STK24: variants seen among roughly 807,000 people sequenced by gnomAD.
STK24 encodes the protein serine/threonine-protein kinase 24.
In STK24, 21 loss-of-function variants were observed where a neutral mutation model predicts 55.6. The observed-to-expected ratio is 0.38, with a 90% CI of 0.27 to 0.54. STK24 has a LOEUF of 0.54. Among genes scored for constraint, STK24 ranks in the 20% least tolerant of loss-of-function variants. The pLI, the probability that STK24 is intolerant of heterozygous loss-of-function variation, is 0.79. For synonymous variants in STK24, 200 were observed against 215.2 expected (o/e 0.93, Z 0.62); for missense variants, 383 against 538.4 (o/e 0.71, Z 2.86).
intron 1 of STK24, among the ~76,000 whole-genome samples, chr13:98,524,861 C>T (rs1896377967): frequency 6.6e-6 from 1 of 152,184 alleles, no homozygotes; most frequent in African/African-American, 2.4e-5. Context: ...AAAGACGTTT[C>T]CAGGCGTACG....
Position 98,452,914 on chromosome 13 carries a change from T to TA in STK24, c.*258dup, listed in dbSNP as rs1397611861. 2.5e-6 allele frequency: 1 copy of TA among 403,404 alleles called. No homozygotes were observed. The highest frequency in any genetic ancestry group is 4.4e-6 in the Non-Finnish European group (1 of 227,658). The allele number at this position is 403,404 out of a possible 1,614,324, so 25.0% of individuals were successfully genotyped here. ...TTTCCTGGAATATGTGCACTATGGT[T>TA]AAAATTAAAAACAAAAGTAATAAAA... On this transcript the variant is annotated 3_prime_UTR_variant, in exon 11 of 11. Coordinates refer to ENST00000539966, the MANE Select transcript of STK24 (RefSeq NM_001032296.4).
At chr13:98,484,340 C>T (rs1894724951) in intron 2 of STK24, among the ~76,000 whole-genome samples, 1 of 152,240 alleles carries the variant, frequency 6.6e-6, no homozygotes, top group Non-Finnish European at 1.5e-5. Flanking sequence ...TCTACTCCCA[C>T]TCCCTTTTTA....
intron 9 of STK24, among the ~76,000 whole-genome samples, chr13:98,458,902 A>G (rs1256189725): frequency 6.6e-6 from 1 of 152,228 alleles, no homozygotes; most frequent in East Asian, 1.9e-4. Flanking sequence ...AATAATACAC[A>G]ATAAACACTC....
chr13:98,547,976 T>C (rs1455537449), intron 1 of STK24, among the ~76,000 whole-genome samples: 2 of 152,050 alleles, frequency 1.3e-5, no homozygotes, highest in Non-Finnish European at 2.9e-5. Flanking sequence ...CACCAAGCCC[T>C]CCCCTCTCTC....
At chr13:98,480,918 T>C (rs1056547696) in intron 3 of STK24, among the ~76,000 whole-genome samples, 2 of 152,224 alleles carry the variant, frequency 1.3e-5, no homozygotes, top group African/African-American at 4.8e-5. Flanking sequence ...AGGGGTTTCC[T>C]TTCCTTAATG....
intron 8 of STK24, 83 bp from the exon 9 acceptor site, chr13:98,460,523 A>AGTCCAGG: frequency 8.6e-7 from 1 of 1,168,566 alleles, no homozygotes; most frequent in Non-Finnish European, 1.3e-6. Flanking sequence ...CACCTGGACT[A>AGTCCAGG]TGGAAGCGCA....
At position 98,446,541 on chromosome 13, in the gene STK24, C is replaced by T; in HGVS notation, c.*6632G>A. On this transcript the variant is annotated 3_prime_UTR_variant, in exon 11 of 11. Coordinates refer to ENST00000539966, the MANE Select transcript of STK24 (RefSeq NM_001032296.4). Reference sequence around the variant, plus strand: ...CAAACACTGGCTGCCATGGTCCCTTCCAGGCCCACGCCCGAGGAGGGAGCT... The same window carrying T: ...CAAACACTGGCTGCCATGGTCCCTTTCAGGCCCACGCCCGAGGAGGGAGCT... 1.0e-6 allele frequency: 1 copy of T among 988,538 alleles called. No individual in the cohort carries two copies. The highest frequency in any genetic ancestry group is 1.5e-6 in the Non-Finnish European group (1 of 647,818). 61.2% of individuals were successfully genotyped at this position (988,538 alleles called of 1,614,324 possible). A position where few individuals can be genotyped will look rare whatever the true frequency, so the allele number is the denominator to read the frequency against.
At chr13:98,487,669 T>C (rs2139315129) in intron 2 of STK24, among the ~76,000 whole-genome samples, 1 of 152,364 alleles carries the variant, frequency 6.6e-6, no homozygotes, top group East Asian at 1.9e-4. Flanking sequence ...TAAAGTTTCT[T>C]AAAGAGCAGT....
intron 2 of STK24, among the ~76,000 whole-genome samples, chr13:98,499,809 C>A (rs1895380725): frequency 6.6e-6 from 1 of 152,226 alleles, no homozygotes; most frequent in Non-Finnish European, 1.5e-5. Flanking sequence ...GCATTCCACA[C>A]TCCCAACGGT....
chr13:98,467,962 T>G (rs1304138416), intron 5 of STK24, among the ~76,000 whole-genome samples: 1 of 152,242 alleles, frequency 6.6e-6, no homozygotes, highest in Non-Finnish European at 1.5e-5. Context: ...ACAGCTTTCC[T>G]GCTGTTCTCA....
intron 1 of STK24, among the ~76,000 whole-genome samples, chr13:98,529,335 G>A (rs57226083): frequency 0.22 from 33,917 of 152,022 alleles, 4,679 homozygotes; most frequent in East Asian, 0.42. Context: ...GTCACTGCCT[G>A]GCCCTCCCTC....
intron 1 of STK24, among the ~76,000 whole-genome samples, chr13:98,558,389 AG>A (rs1443939422): frequency 6.6e-6 from 1 of 152,184 alleles, no homozygotes; most frequent in Non-Finnish European, 1.5e-5. Flanking sequence ...AACCCACTAG[AG>A]GGGGTGCAGC....
intron 2 of STK24, among the ~76,000 whole-genome samples, chr13:98,518,251 G>A (rs1223056316): frequency 6.6e-6 from 1 of 152,144 alleles, no homozygotes; most frequent in Non-Finnish European, 1.5e-5. Context: ...TCCATCCTCT[G>A]ACTTACACCT....
At chr13:98,542,398 CA>C (rs1481727708) in intron 1 of STK24, among the ~76,000 whole-genome samples, 7 of 150,734 alleles carry the variant, frequency 4.6e-5, no homozygotes, top group Non-Finnish European at 7.4e-5. Flanking sequence ...ACAACAACAA[CA>C]AAAAAAACGG....
In STK24 at chr13:98,452,921, A is replaced by G. The variant is rs1297603474; in HGVS notation, c.*252T>C. 1 of 415,666 alleles carries G rather than the reference A, an allele frequency of 2.4e-6. No homozygotes were observed. The highest frequency in any genetic ancestry group is 4.1e-5 in the Admixed American group (1 of 24,596). The allele number at this position is 415,666 out of a possible 1,614,324, so 25.7% of individuals were successfully genotyped here. On this transcript the variant is annotated 3_prime_UTR_variant, in exon 11 of 11. Transcript: ENST00000539966. ...GAATATGTGCACTATGGTTAAAATT[A>G]AAAACAAAAGTAATAAAATAAAATA...
chr13:98,481,064 C>T (rs1450048340), intron 3 of STK24, among the ~76,000 whole-genome samples: 1 of 152,224 alleles, frequency 6.6e-6, no homozygotes, highest in Non-Finnish European at 1.5e-5. Context: ...TCTGGCCTAT[C>T]TTGAAAATCA....
At position 98,474,607 on chromosome 13, in the gene STK24, C is replaced by T. The variant is rs191940722; in HGVS notation, c.597+214G>A. The stretch of plus-strand genomic sequence containing the variant: ...CAAACATAGCCTGAGTTAAAAACCT[C>T]GATCATGGTGGGCTGGATCAGCACA... On this transcript the variant is annotated intron_variant, in intron 5 of 10. Transcript: ENST00000539966. 2.8e-3 allele frequency among the ~76,000 whole-genome samples: 422 copies of T among 152,244 alleles called. 2 individuals carry two copies. Among genetic ancestry groups the T allele is most frequent in the Non-Finnish European group, 4.0e-3 (274 of 68,012 alleles).
intron 2 of STK24, among the ~76,000 whole-genome samples, chr13:98,498,956 A>C (rs764886396): frequency 5.3e-5 from 8 of 151,716 alleles, no homozygotes; most frequent in Admixed American, 1.3e-4. Context: ...GGTTCCTTTG[A>C]AAACAGCTTC....
intron 1 of STK24, among the ~76,000 whole-genome samples, chr13:98,524,265 A>G (rs758324506): frequency 2.0e-5 from 3 of 150,616 alleles, no homozygotes; most frequent in African/African-American, 7.4e-5. Flanking sequence ...TGCTGCTCCC[A>G]TAAGAGCAGC....
Sources: allele counts gnomAD v4.1 joint callset (sites outside exome capture counted in the v4.1 genomes callset), GRCh38; gene constraint gnomAD v4.1.1; transcripts MANE v1.5; gene names NCBI Gene and HGNC (gene_info 2026-07-23, HGNC 2026-07-21).